Variants in MBOAT2 observed in about 807,000 individuals in gnomAD.
MBOAT2 encodes membrane-bound glycerophospholipid O-acyltransferase 2.
Under a neutral mutation model 63.4 loss-of-function variants are expected in MBOAT2, and 28 were observed. The observed-to-expected ratio is 0.44, with a 90% CI of 0.33 to 0.61. MBOAT2 has a LOEUF of 0.61. Ranked by LOEUF, MBOAT2 falls within the 20% of genes least tolerant of loss-of-function variation. MBOAT2 has a pLI of 0.03. For synonymous variants in MBOAT2, 211 were observed against 215.6 expected (o/e 0.98, Z 0.19); for missense variants, 470 against 605.8 (o/e 0.78, Z 2.35).
At chr2:8,972,173 T>C (rs1670504037) in intron 1 of MBOAT2, among the ~76,000 whole-genome samples, 1 of 152,086 alleles carries the variant, frequency 6.6e-6, no homozygotes, top group Admixed American at 6.5e-5. Flanking sequence ...AACAGAGATA[T>C]AGACCAATGG....
At chr2:8,889,429 G>T (rs949969423) in intron 4 of MBOAT2, among the ~76,000 whole-genome samples, 1 of 152,158 alleles carries the variant, frequency 6.6e-6, no homozygotes, top group African/African-American at 2.4e-5. Context: ...GCTTAAGGGA[G>T]GAGATTTCTC....
intron 3 of MBOAT2, among the ~76,000 whole-genome samples, chr2:8,932,002 C>T (rs575119673): frequency 6.6e-6 from 1 of 152,190 alleles, no homozygotes; most frequent in South Asian, 2.1e-4. Flanking sequence ...GAATAAATGC[C>T]ACGCTCAATT....
intron 8 of MBOAT2, 112 bp downstream of exon 8, chr2:8,872,996 T>C: frequency 6.6e-6 from 6 of 913,466 alleles, no homozygotes; most frequent in Non-Finnish European, 9.5e-6. Context: ...GATGACTTAA[T>C]TTTTCCAATT....
chr2:8,934,889 G>C (rs1281461776), intron 3 of MBOAT2, among the ~76,000 whole-genome samples: 1 of 152,186 alleles, frequency 6.6e-6, no homozygotes, highest in Non-Finnish European at 1.5e-5. Context: ...CTGCCTGCTA[G>C]ATGGCACTTC....
At chr2:8,946,129 C>T (rs973486315) in intron 2 of MBOAT2, among the ~76,000 whole-genome samples, 13 of 152,166 alleles carry the variant, frequency 8.5e-5, no homozygotes, top group African/African-American at 3.1e-4. Context: ...TTCCCATGTT[C>T]GTAATGACTA....
chr2:8,918,181 C>T (rs889307984), intron 3 of MBOAT2, among the ~76,000 whole-genome samples: 1 of 152,170 alleles, frequency 6.6e-6, no homozygotes, highest in African/African-American at 2.4e-5. Context: ...GCTCATGGAA[C>T]AGGCAGCTTT....
At chr2:8,971,397 C>T (rs1282234089) in intron 1 of MBOAT2, among the ~76,000 whole-genome samples, 1 of 152,140 alleles carries the variant, frequency 6.6e-6, no homozygotes, top group Non-Finnish European at 1.5e-5. Context: ...ATGACAAACC[C>T]ACAGCCAATT....
At chr2:8,919,543 G>A (rs939499372) in intron 3 of MBOAT2, among the ~76,000 whole-genome samples, 2 of 152,086 alleles carry the variant, frequency 1.3e-5, no homozygotes, top group African/African-American at 4.8e-5. Flanking sequence ...TGTGTAACTA[G>A]CAATTCTGTC....
chr2:8,878,314 T>C (rs1229454368), intron 6 of MBOAT2, among the ~76,000 whole-genome samples: 2 of 152,174 alleles, frequency 1.3e-5, no homozygotes, highest in East Asian at 1.9e-4. Flanking sequence ...AGGAGTGTAT[T>C]TAAAAAAAAC....
chr2:9,002,567 C>A (rs1286688138), intron 1 of MBOAT2, among the ~76,000 whole-genome samples: 1 of 152,176 alleles, frequency 6.6e-6, no homozygotes, highest in East Asian at 1.9e-4. Flanking sequence ...CCAAAGTTAA[C>A]TACCTTTAGC....
intron 1 of MBOAT2, among the ~76,000 whole-genome samples, chr2:8,988,455 AAT>A (rs1479491039): frequency 1.3e-5 from 2 of 152,144 alleles, no homozygotes; most frequent in Admixed American, 6.5e-5. Context: ...TATCAGTTTA[AAT>A]ATGTTTTATT....
At chr2:8,934,795 T>G (rs1050817114) in intron 3 of MBOAT2, among the ~76,000 whole-genome samples, 3 of 152,170 alleles carry the variant, frequency 2.0e-5, no homozygotes, top group Non-Finnish European at 4.4e-5. Context: ...GTGAAGTTAG[T>G]ATTTTCCCCA....
chr2:8,926,294 C>A (rs932152007), intron 3 of MBOAT2, among the ~76,000 whole-genome samples: 4 of 152,060 alleles, frequency 2.6e-5, no homozygotes, highest in African/African-American at 9.7e-5. Flanking sequence ...ACACACTGAC[C>A]ACTTGAAGTG....
intron 4 of MBOAT2, among the ~76,000 whole-genome samples, chr2:8,890,707 A>G (rs1663932092): frequency 6.6e-6 from 1 of 151,984 alleles, no homozygotes; most frequent in South Asian, 2.1e-4. Flanking sequence ...TTTTGTAGAC[A>G]CGGGGTTTTG....
At chr2:8,953,369 T>C (rs1225395639) in intron 2 of MBOAT2, among the ~76,000 whole-genome samples, 1 of 152,216 alleles carries the variant, frequency 6.6e-6, no homozygotes, top group African/African-American at 2.4e-5. Flanking sequence ...GCCTTTAAGA[T>C]TTTTTTCTTT....
intron 1 of MBOAT2, among the ~76,000 whole-genome samples, chr2:8,960,728 C>T (rs149432195): frequency 1.3e-3 from 197 of 152,282 alleles, no homozygotes; most frequent in African/African-American, 3.5e-3. Flanking sequence ...ACATTGTCAT[C>T]GTTCAGATAA....
intron 1 of MBOAT2, among the ~76,000 whole-genome samples, chr2:8,967,761 T>G (rs62119984): frequency 6.6e-6 from 1 of 152,166 alleles, no homozygotes; most frequent in East Asian, 1.9e-4. Flanking sequence ...ATTCAGAATA[T>G]GATAAAGATA....
chr2:8,865,067 C>T (rs2148512293), intron 9 of MBOAT2, among the ~76,000 whole-genome samples: 1 of 152,324 alleles, frequency 6.6e-6, no homozygotes, highest in South Asian at 2.1e-4. Context: ...CACCACATTT[C>T]AGACCTTTGT....
chr2:8,934,047 G>A (rs1437760932), intron 3 of MBOAT2, among the ~76,000 whole-genome samples: 1 of 152,124 alleles, frequency 6.6e-6, no homozygotes. Flanking sequence ...TGCAGGATTT[G>A]ATGGCACAAT....
Sources: gnomAD v4.1 joint callset for allele counts (sites outside exome capture counted in the v4.1 genomes callset) on GRCh38, gnomAD v4.1.1 for gene constraint, MANE v1.5 for transcripts, NCBI Gene and HGNC (gene_info 2026-07-23, HGNC 2026-07-21) for gene names.